MAN1A1: variants seen among roughly 807,000 people sequenced by gnomAD.
MAN1A1 encodes mannosyl-oligosaccharide 1,2-alpha-mannosidase IA.
Under a neutral mutation model 70.8 loss-of-function variants are expected in MAN1A1, and 29 were observed. That is an observed-to-expected ratio of 0.41 (90% CI 0.31 to 0.56). The LOEUF is 0.56. MAN1A1 is among the 20% of genes least tolerant of loss of function. The pLI is 0.29. For synonymous variants in MAN1A1, 349 were observed against 330.1 expected (o/e 1.06, Z -0.62); for missense variants, 747 against 841.3 (o/e 0.89, Z 1.39).
intron 11 of MAN1A1, among the ~76,000 whole-genome samples, chr6:119,182,997 G>A (rs939090659): frequency 1.3e-5 from 2 of 152,092 alleles, no homozygotes; most frequent in Non-Finnish European, 2.9e-5. Context: ...GGAAAATAAG[G>A]CTCTAAGAAT....
rs968268356 is a variant in MAN1A1 at position 119,310,559 on chromosome 6, T to C, written c.604-3567A>G. ...GCCTCCAACGTGGGGCGCCCTGGTG[T>C]GTAGTTCTCACTAATGGATGGGATG... On this transcript the variant is annotated intron_variant, in intron 2 of 12. Coordinates refer to ENST00000368468, the MANE Select transcript of MAN1A1 (RefSeq NM_005907.4). Among the ~76,000 whole-genome samples the C allele has an allele frequency of 2.0e-5, 3 of 152,176 alleles. No homozygotes were observed. In the East Asian group the frequency reaches 5.8e-4, roughly 29 times the overall value.
At position 119,223,888 on chromosome 6, in the gene MAN1A1, T is replaced by G. The variant is rs193130210; in HGVS notation, c.993-19006A>C. Among the ~76,000 whole-genome samples, 29 of 152,220 alleles carry G rather than the reference T, an allele frequency of 1.9e-4. No homozygotes were observed. In the East Asian group the frequency reaches 5.2e-3, roughly 27 times the overall value. On this transcript the variant is annotated intron_variant, in intron 6 of 12. Transcript: ENST00000368468. ...ATAAAACTCAACTATTTAAAGGCAT[T>G]AGAAAGTGACCAAAAAGCAGGCACA... is the stretch of plus-strand genomic sequence containing the variant.
intron 3 of MAN1A1, among the ~76,000 whole-genome samples, chr6:119,306,414 T>C (rs1407162189): frequency 1.3e-5 from 2 of 152,322 alleles, no homozygotes. Flanking sequence ...TCAATTAACC[T>C]AATCCATCCT....
intron 6 of MAN1A1, among the ~76,000 whole-genome samples, chr6:119,236,763 T>C (rs1582723272): frequency 6.6e-6 from 1 of 150,900 alleles, no homozygotes; most frequent in South Asian, 2.1e-4. Flanking sequence ...ATTTAAAAAG[T>C]ACATTTCATT....
At chr6:119,283,785 C>T (rs1776283625) in intron 5 of MAN1A1, among the ~76,000 whole-genome samples, 1 of 152,024 alleles carries the variant, frequency 6.6e-6, no homozygotes, top group African/African-American at 2.4e-5. Flanking sequence ...TAGGCTGAGG[C>T]TGAATTACAA....
chr6:119,286,571 TGA>T (rs1177887922), intron 5 of MAN1A1, among the ~76,000 whole-genome samples: 1 of 152,170 alleles, frequency 6.6e-6, no homozygotes, highest in African/African-American at 2.4e-5. Context: ...GCCTTCAAAA[TGA>T]GAGGTTATCA....
chr6:119,311,807 C>T lies in MAN1A1; in HGVS notation c.604-4815G>A, dbSNP rs117248086. On this transcript the variant is annotated intron_variant, in intron 2 of 12. Transcript: ENST00000368468. ...AAGACCTTGAAGGGCAGTAGCAGCT[C>T]GGTGTCTTAAAACCACAAAGCTCTA... 9.3e-3 allele frequency among the ~76,000 whole-genome samples: 1,416 copies of T among 152,176 alleles called. 40 individuals are homozygous for T. The highest frequency in any genetic ancestry group is 0.03 in the East Asian group (158 of 5,186).
chr6:119,339,286 C>G (rs554948734), intron 2 of MAN1A1, among the ~76,000 whole-genome samples: 68 of 152,222 alleles, frequency 4.5e-4, no homozygotes, highest in Non-Finnish European at 7.6e-4. Context: ...ATCCCACTTA[C>G]CAGGGTGTGT....
At chr6:119,205,758 A>T (rs1773842610) in intron 6 of MAN1A1, among the ~76,000 whole-genome samples, 1 of 152,240 alleles carries the variant, frequency 6.6e-6, no homozygotes, top group Admixed American at 6.5e-5. Context: ...TATTCTCCTA[A>T]TAAATTCCCT....
chr6:119,250,652 G>C (rs1035462048), intron 5 of MAN1A1, among the ~76,000 whole-genome samples: 69 of 146,510 alleles, frequency 4.7e-4, no homozygotes, highest in African/African-American at 7.0e-4. Context: ...CTCTCTCTGT[G>C]TGTGTGTGTG....
In MAN1A1 at chr6:119,278,173, T is replaced by C. The variant is rs1235907120; in HGVS notation, c.897+12510A>G. On this transcript the variant is annotated intron_variant, in intron 5 of 12. Coordinates refer to ENST00000368468, the MANE Select transcript of MAN1A1 (RefSeq NM_005907.4). ...AAAAACAAAACAAAACAAAAACCAA[T>C]GACAAAAATCCAAAACAAATTCACA... Among the ~76,000 whole-genome samples, 7 of 151,598 alleles carry C rather than the reference T, an allele frequency of 4.6e-5. No homozygotes were observed. The East Asian group carries it at 7.7e-4, about 17-fold the overall frequency.
intron 8 of MAN1A1, among the ~76,000 whole-genome samples, chr6:119,197,608 G>A (rs1436433307): frequency 6.6e-6 from 1 of 152,136 alleles, no homozygotes; most frequent in African/African-American, 2.4e-5. Context: ...AGGGGATCCT[G>A]GAAGAAATGG....
intron 6 of MAN1A1, among the ~76,000 whole-genome samples, chr6:119,239,423 T>C (rs1307931266): frequency 6.6e-6 from 1 of 152,212 alleles, no homozygotes; most frequent in Admixed American, 6.5e-5. Context: ...TCAGAACATA[T>C]CAACTATAAC....
chr6:119,348,437 A>C, intron 2 of MAN1A1, 26 bp downstream of exon 2: 1 of 1,544,688 alleles, frequency 6.5e-7, no homozygotes, highest in Non-Finnish European at 8.8e-7. Context: ...GCCGGTCGGG[A>C]GGGATTTCTG....
intron 5 of MAN1A1, among the ~76,000 whole-genome samples, chr6:119,266,333 T>TA (rs1775753613): frequency 6.6e-6 from 1 of 152,156 alleles, no homozygotes; most frequent in South Asian, 2.1e-4. Context: ...AGACTTTCTA[T>TA]AGAGATACAG....
At chr6:119,188,365 TGAAA>T in intron 11 of MAN1A1, 36 bp downstream of exon 11, 1 of 1,534,890 alleles carries the variant, frequency 6.5e-7, no homozygotes, top group Admixed American at 2.2e-5. Context: ...TTTTTTACTA[TGAAA>T]TTTATCTATA....
At chr6:119,303,714 C>T (rs1412731127) in intron 3 of MAN1A1, among the ~76,000 whole-genome samples, 1 of 152,152 alleles carries the variant, frequency 6.6e-6, no homozygotes, top group Non-Finnish European at 1.5e-5. Flanking sequence ...AGTTAGTCAG[C>T]AACCCAGCTA....
In MAN1A1 at chr6:119,180,286, A is replaced by T. The variant is rs17080860; in HGVS notation, c.1835+26T>A. On this transcript the variant is annotated intron_variant, in intron 12 of 12. Transcript: ENST00000368468. ...AGATCTGTTCAGGTACCTTAGCCAC[A>T]TGGTTTTAGAATAATTTTCACCTAC... 6,239 of 1,513,720 alleles carry T rather than the reference A, an allele frequency of 4.1e-3. 211 individuals carry two copies. In the African/African-American group the frequency reaches 0.076, roughly 18 times the overall value. The allele number at this position is 1,513,720 out of a possible 1,614,324, so 93.8% of individuals were successfully genotyped here.
chr6:119,280,895 G>C (rs960627746), intron 5 of MAN1A1, among the ~76,000 whole-genome samples: 2 of 152,154 alleles, frequency 1.3e-5, no homozygotes, highest in Admixed American at 1.3e-4. Context: ...CTGACCTAGT[G>C]AGCACTGAAA....
Sources: allele counts gnomAD v4.1 joint callset (sites outside exome capture counted in the v4.1 genomes callset), GRCh38; gene constraint gnomAD v4.1.1; transcripts MANE v1.5; gene names NCBI Gene and HGNC (gene_info 2026-07-23, HGNC 2026-07-21).